The following PCDHA6 variants were observed in gnomAD, a reference collection of about 807,000 sequenced individuals.
The protein encoded by PCDHA6 is protocadherin alpha 6, also known as protocadherin alpha-6.
In PCDHA6, 55 loss-of-function variants were observed where a neutral mutation model predicts 60.3. That is an observed-to-expected ratio of 0.91 (90% CI 0.73 to 1.14). The LOEUF (loss-of-function observed/expected upper bound fraction) is 1.14, where lower values mean the gene tolerates loss of function less well. Among genes scored for constraint, PCDHA6 ranks in the 50% most tolerant of loss-of-function variants. The pLI, the probability that PCDHA6 is intolerant of heterozygous loss-of-function variation, is 0.00. For missense variants in PCDHA6, 1,327 were observed against 1,256.5 expected (o/e 1.06, Z -0.85); for synonymous variants, 652 against 557.9 (o/e 1.17, Z -2.38).
At chr5:140,909,043 C>T (rs2074280472) in intron 1 of PCDHA6, among the ~76,000 whole-genome samples, 1 of 152,188 alleles carries the variant, frequency 6.6e-6, no homozygotes, top group Non-Finnish European at 1.5e-5. Flanking sequence ...TTTCCATACT[C>T]TGGCATGCAA....
At chr5:140,927,716 G>T (rs782756674) in intron 1 of PCDHA6, 1 of 1,614,190 alleles carries the variant, frequency 6.2e-7, no homozygotes, top group South Asian at 1.1e-5. Context: ...CTAAGCAACA[G>T]CACGCAAGCA....
chr5:140,980,949 A>G (rs1187381167), intron 2 of PCDHA6, among the ~76,000 whole-genome samples: 1 of 152,182 alleles, frequency 6.6e-6, no homozygotes, highest in East Asian at 1.9e-4. Context: ...TGGCTCCAGG[A>G]TAGTTACACC....
chr5:140,956,878 A>G (rs890203275), intron 1 of PCDHA6, among the ~76,000 whole-genome samples: 4 of 152,188 alleles, frequency 2.6e-5, no homozygotes, highest in Admixed American at 2.6e-4. Context: ...GAAAAGTTAG[A>G]TATCAATGAA....
At chr5:140,973,980 A>G (rs1554235707) in intron 1 of PCDHA6, among the ~76,000 whole-genome samples, 1 of 152,248 alleles carries the variant, frequency 6.6e-6, no homozygotes, top group African/African-American at 2.4e-5. Flanking sequence ...TGGCTTTTAC[A>G]GAACTTCACC....
intron 1 of PCDHA6, among the ~76,000 whole-genome samples, chr5:140,885,158 T>C (rs1250241606): frequency 6.6e-6 from 1 of 152,198 alleles, no homozygotes; most frequent in African/African-American, 2.4e-5. Flanking sequence ...TGATTGTCTC[T>C]ACTTTTTTGT....
chr5:140,947,194 G>A (rs2094102779), intron 1 of PCDHA6, among the ~76,000 whole-genome samples: 1 of 151,018 alleles, frequency 6.6e-6, no homozygotes, highest in Admixed American at 6.6e-5. Context: ...ATACTACACA[G>A]CCTTAAAAAA....
At chr5:140,969,342 G>T (rs1216517284) in intron 1 of PCDHA6, 2 of 1,613,512 alleles carry the variant, frequency 1.2e-6, no homozygotes, top group Non-Finnish European at 1.7e-6. Flanking sequence ...GTGAGACAGT[G>T]GTCAGGGGGT....
chr5:140,937,151 C>T (rs1170352289), intron 1 of PCDHA6, among the ~76,000 whole-genome samples: 1 of 151,572 alleles, frequency 6.6e-6, no homozygotes, highest in African/African-American at 2.4e-5. Context: ...CATTCTCCTG[C>T]CTCAGCCTCC....
intron 1 of PCDHA6, among the ~76,000 whole-genome samples, chr5:140,955,368 G>C (rs1554221882): frequency 6.6e-6 from 1 of 152,122 alleles, no homozygotes; most frequent in Admixed American, 6.5e-5. Flanking sequence ...CCCAGTGGGA[G>C]GTAATTGAAT....
intron 1 of PCDHA6, chr5:140,849,752 C>G (rs2041099569): frequency 3.1e-6 from 5 of 1,598,274 alleles, no homozygotes; most frequent in Admixed American, 3.4e-5. Context: ...AGAGTGTGTC[C>G]GCCTACGAGC....
intron 1 of PCDHA6, chr5:140,969,627 G>A: frequency 1.5e-6 from 1 of 664,866 alleles, no homozygotes; most frequent in Non-Finnish European, 2.5e-6. Flanking sequence ...AGAGAAACAG[G>A]ACAGGCCTTG....
In PCDHA6 at chr5:140,851,118, T is replaced by C. The variant is rs1554145256; in HGVS notation, c.2394+20633T>C. Reference sequence around the variant, plus strand: ...TATTTTTTGGGTGCTGAATCAATTTTATTTAAATTTGTGATTAAAGTGACA... The same window carrying C: ...TATTTTTTGGGTGCTGAATCAATTTCATTTAAATTTGTGATTAAAGTGACA... On this transcript the variant is annotated intron_variant, in intron 1 of 3. Transcript: ENST00000529310. 5 of 1,307,406 alleles carry C rather than the reference T, an allele frequency of 3.8e-6. No individual in the cohort carries two copies. The East Asian group carries it at 1.3e-4, about 35-fold the overall frequency. The allele number at this position is 1,307,406 out of a possible 1,614,324, so 81.0% of individuals were successfully genotyped here.
chr5:140,834,378 T>C, intron 1 of PCDHA6: 1 of 1,562,858 alleles, frequency 6.4e-7, no homozygotes, highest in Non-Finnish European at 8.7e-7. Context: ...AAGCCAATAA[T>C]TTGAAATGGT....
At chr5:140,849,641 C>T (rs2150443548) in intron 1 of PCDHA6, 8 of 1,598,742 alleles carry the variant, frequency 5.0e-6, no homozygotes, top group East Asian at 2.2e-5. Flanking sequence ...CAGATGCCAA[C>T]GGGCAGGTTA....
Position 141,009,646 on chromosome 5 carries a change from G to A in PCDHA6, c.2562G>A (p.Val854=), listed in dbSNP as rs369515881. 16 of 1,613,668 alleles carry A rather than the reference G, an allele frequency of 9.9e-6. No individual in the cohort carries two copies. The highest frequency in any genetic ancestry group is 5.5e-5 in the South Asian group (5 of 91,030). ...TTTCAGAACCAGAGGCAGGAGAAGT[G>A]TCCCCTCCAGTCGGTGCGGGTGTCA... is the stretch of plus-strand genomic sequence containing the variant. ...SATPEPEAGE[V]SPPVGAGVNS... The change falls in exon 4 of 4, where the codon GTG becomes GTA. Residue 854 remains valine, a synonymous_variant. Coordinates refer to ENST00000529310, the MANE Select transcript of PCDHA6 (RefSeq NM_018909.4).
chr5:140,921,941 A>G (rs1294349868), intron 1 of PCDHA6, among the ~76,000 whole-genome samples: 1 of 152,068 alleles, frequency 6.6e-6, no homozygotes, highest in Non-Finnish European at 1.5e-5. Context: ...ATAATTTTAC[A>G]CTTGTAAAAT....
At chr5:140,998,939 A>C (rs1299425979) in intron 3 of PCDHA6, among the ~76,000 whole-genome samples, 2 of 152,248 alleles carry the variant, frequency 1.3e-5, no homozygotes, top group Admixed American at 1.3e-4. Flanking sequence ...CAGATGAAGA[A>C]ACTGTAAGTC....
At chr5:140,926,899 G>A (rs1554203765) in intron 1 of PCDHA6, 2 of 1,552,028 alleles carry the variant, frequency 1.3e-6, no homozygotes, top group Non-Finnish European at 1.7e-6. Context: ...GAGGATGGTG[G>A]GCTGTGGGGT....
At position 140,862,768 on chromosome 5, in the gene PCDHA6, G is replaced by C. The variant is rs1409687409; in HGVS notation, c.2394+32283G>C. The C allele has an allele frequency of 8.7e-6, 5 of 576,458 alleles. No individual in the cohort carries two copies. The African/African-American group carries it at 9.8e-5, about 11-fold the overall frequency. 35.7% of individuals were successfully genotyped at this position (576,458 alleles called of 1,614,324 possible). A position where few individuals can be genotyped will look rare whatever the true frequency, so the allele number is the denominator to read the frequency against. On this transcript the variant is annotated intron_variant, in intron 1 of 3. Transcript: ENST00000529310. ...GCACGCGGAGAGCGGCAAGAGGTAC[G>C]CGTTGCAGCCACTGGACTACGAGGA...
Sources: gnomAD v4.1 joint callset for allele counts (sites outside exome capture counted in the v4.1 genomes callset) on GRCh38, gnomAD v4.1.1 for gene constraint, MANE v1.5 for transcripts, NCBI Gene and HGNC (gene_info 2026-07-23, HGNC 2026-07-21) for gene names.